Variants in RAPGEF6 observed in about 807,000 individuals in gnomAD.
RAPGEF6 encodes the protein Rap guanine nucleotide exchange factor 6.
Under a neutral mutation model 171.4 loss-of-function variants are expected in RAPGEF6, and 56 were observed. The observed-to-expected ratio is 0.33, with a 90% CI of 0.26 to 0.41. The LOEUF is 0.41. Ranked by LOEUF, RAPGEF6 falls within the 10% of genes least tolerant of loss-of-function variation. RAPGEF6 has a pLI of 1.00. For synonymous variants in RAPGEF6, 692 were observed against 650.1 expected (o/e 1.06, Z -0.98); for missense variants, 1,674 against 1,921.4 (o/e 0.87, Z 2.41).
Position 131,431,193 on chromosome 5 carries a change from T to G in RAPGEF6, c.4131A>C (p.Gln1377His). The change falls in exon 26 of 28, where the codon CAA (glutamine) becomes CAC (histidine). Residue 1377 changes from glutamine to histidine, a missense_variant. This residue lies in a region of RAPGEF6 where 552 missense variants were observed against 574.2 expected (regional missense o/e 0.96). Transcript: ENST00000509018. ...CCCAGCTTTTTGGGTTTGGAAGGCT[T>G]TGGAAGTTGTCATGGGAGCTGCTTG... ...SCSSSSHDNF[Q>H]SLPNPKSWDF... 6.2e-7 allele frequency: 1 copy of G among 1,614,208 alleles called. No homozygotes were observed. Among genetic ancestry groups the G allele is most frequent in the Non-Finnish European group, 8.5e-7 (1 of 1,180,040 alleles).
chr5:131,447,018 G>T, intron 21 of RAPGEF6: 1 of 248,518 alleles, frequency 4.0e-6, no homozygotes, highest in East Asian at 1.0e-4. Flanking sequence ...CTCTGGTCCT[G>T]GAGGCCACCC....
chr5:131,545,726 T>A (rs1760479729), intron 6 of RAPGEF6, among the ~76,000 whole-genome samples: 1 of 152,224 alleles, frequency 6.6e-6, no homozygotes, highest in African/African-American at 2.4e-5. Flanking sequence ...ATATCCTTTT[T>A]AGGAAAAAAT....
intron 24 of RAPGEF6, among the ~76,000 whole-genome samples, chr5:131,438,163 G>C (rs760481770): frequency 2.0e-4 from 31 of 152,020 alleles, no homozygotes; most frequent in Non-Finnish European, 2.9e-4. Flanking sequence ...TAATTTTTTT[G>C]TATTTTTAAT....
intron 5 of RAPGEF6, among the ~76,000 whole-genome samples, chr5:131,549,456 A>T (rs953527560): frequency 6.6e-6 from 1 of 152,196 alleles, no homozygotes; most frequent in African/African-American, 2.4e-5. Context: ...TATGTCATGT[A>T]TTTTTCTGTA....
intron 11 of RAPGEF6, among the ~76,000 whole-genome samples, chr5:131,500,782 A>C (rs994287827): frequency 2.0e-5 from 3 of 152,094 alleles, no homozygotes; most frequent in Non-Finnish European, 2.9e-5. Flanking sequence ...TCTTTCTCAA[A>C]AGACTGTGAG....
intron 6 of RAPGEF6, among the ~76,000 whole-genome samples, chr5:131,541,587 C>T (rs1368431298): frequency 6.6e-6 from 1 of 151,480 alleles, no homozygotes; most frequent in Admixed American, 6.6e-5. Flanking sequence ...AAACTCCTGG[C>T]TTCAGGTGAT....
chr5:131,508,037 A>G (rs1174605281), intron 9 of RAPGEF6, 34 bp downstream of exon 9: 1 of 1,498,000 alleles, frequency 6.7e-7, no homozygotes, highest in Admixed American at 2.0e-5. Context: ...GTTAGTATCC[A>G]TAATAAATGT....
chr5:131,597,918 C>G (rs1038971763), intron 3 of RAPGEF6, among the ~76,000 whole-genome samples: 1 of 152,104 alleles, frequency 6.6e-6, no homozygotes, highest in Non-Finnish European at 1.5e-5. Context: ...ATGCTAACTA[C>G]CCTAATTTGT....
intron 3 of RAPGEF6, among the ~76,000 whole-genome samples, chr5:131,594,638 C>T (rs564872941): frequency 3.9e-5 from 6 of 152,332 alleles, no homozygotes; most frequent in East Asian, 1.9e-4. Flanking sequence ...AGGCACTCAA[C>T]GCCAGCCCAT....
rs993540809 is a variant in RAPGEF6, at chr5:131,471,122, G to A, written c.2239+1465C>T. Among the ~76,000 whole-genome samples, 19 of 152,162 alleles carry A rather than the reference G, an allele frequency of 1.2e-4. 1 individual carries two copies. The highest frequency in any genetic ancestry group is 1.2e-3 in the South Asian group (6 of 4,820). On this transcript the variant is annotated intron_variant, in intron 17 of 27. Transcript: ENST00000509018. ...TGGTAACAATCTTCACATTAACTTCGGATCAAATAACTGGAGTGTCTTCTG... is the reference window on the plus strand; with the variant it reads ...TGGTAACAATCTTCACATTAACTTCAGATCAAATAACTGGAGTGTCTTCTG...
At chr5:131,538,183 G>A (rs1199702872) in intron 6 of RAPGEF6, among the ~76,000 whole-genome samples, 2 of 152,246 alleles carry the variant, frequency 1.3e-5, no homozygotes, top group East Asian at 3.9e-4. Flanking sequence ...CATTTACACT[G>A]TATTAGGTAT....
At position 131,508,187 on chromosome 5, in the gene RAPGEF6, G is replaced by T. The variant is rs1757488240; in HGVS notation, c.826C>A (p.His276Asn). ...ATGTTTGCAAATGCAGGGAGCTGGT[G>T]CATAAACTCCAGCAATTGTTCTATA... ...DDIEQLLEFM[H>N]QLPAFANMTM... The change falls in exon 9 of 28, where the codon CAC becomes AAC. Residue 276 changes from histidine to asparagine, a missense_variant. His to Asn is a moderately conservative substitution (Grantham distance 68). Transcript: ENST00000509018. The T allele has an allele frequency of 6.2e-7, 1 of 1,611,444 alleles. No homozygotes were observed. Among genetic ancestry groups the T allele is most frequent in the Non-Finnish European group, 8.5e-7 (1 of 1,178,874 alleles).
At chr5:131,498,171 A>C (rs1473694810) in intron 12 of RAPGEF6, among the ~76,000 whole-genome samples, 2 of 152,222 alleles carry the variant, frequency 1.3e-5, no homozygotes, top group Non-Finnish European at 2.9e-5. Context: ...TAAAATTCTA[A>C]AATACTCTCA....
chr5:131,427,121 T>C lies in RAPGEF6; in HGVS notation c.*145A>G. On this transcript the variant is annotated 3_prime_UTR_variant, in exon 28 of 28. Transcript: ENST00000509018. ...TGAAAGGAAGCATAACTCAGGTCTA[T>C]TTCATTGCTCGGAGTAGAGGGAATA... 1 of 773,564 alleles carries C rather than the reference T, an allele frequency of 1.3e-6. No homozygotes were observed. The highest frequency in any genetic ancestry group is 1.8e-5 in the African/African-American group (1 of 56,606). The allele number at this position is 773,564 out of a possible 1,614,324, so 47.9% of individuals were successfully genotyped here.
At position 131,604,717 on chromosome 5, in the gene RAPGEF6, AG is replaced by A. The variant is rs767532756; in HGVS notation, c.70-25del. 8.2e-6 allele frequency: 13 copies of A among 1,584,192 alleles called. No individual in the cohort carries two copies. The South Asian group carries it at 1.5e-4, about 18-fold the overall frequency. Reference sequence around the variant, plus strand: ...TCCTGTGGAACAGAAGAAAAAAATTAGATTATTTTTCAAATATGCTGTTTAA... The same window carrying A: ...TCCTGTGGAACAGAAGAAAAAAATTAATTATTTTTCAAATATGCTGTTTAA... On this transcript the variant is annotated intron_variant, in intron 1 of 27. Coordinates refer to ENST00000509018, the MANE Select transcript of RAPGEF6 (RefSeq NM_016340.6).
intron 4 of RAPGEF6, among the ~76,000 whole-genome samples, chr5:131,573,515 T>G (rs1245141170): frequency 6.6e-6 from 1 of 151,986 alleles, no homozygotes; most frequent in East Asian, 1.9e-4. Context: ...CTCTACCCTC[T>G]CCTCAGATGA....
At chr5:131,459,249 G>A (rs1313355996) in intron 19 of RAPGEF6, among the ~76,000 whole-genome samples, 1 of 152,140 alleles carries the variant, frequency 6.6e-6, no homozygotes, top group East Asian at 1.9e-4. Context: ...GGGTGAAGAA[G>A]TCATTTGGAA....
At chr5:131,504,937 G>A (rs189358615) in intron 10 of RAPGEF6, among the ~76,000 whole-genome samples, 159 bp from the exon 11 acceptor site, 9 of 152,198 alleles carry the variant, frequency 5.9e-5, no homozygotes, top group Admixed American at 2.6e-4. Flanking sequence ...AACAATTCAC[G>A]TATGAAGAGA....
At chr5:131,554,039 A>C (rs1379588377) in intron 5 of RAPGEF6, among the ~76,000 whole-genome samples, 4 of 152,154 alleles carry the variant, frequency 2.6e-5, no homozygotes, top group African/African-American at 9.6e-5. Flanking sequence ...ATACCAAATT[A>C]CAGAGAAAAT....
Sources: gnomAD v4.1 joint callset for allele counts (sites outside exome capture counted in the v4.1 genomes callset) on GRCh38, gnomAD v4.1.1 for gene constraint, gnomAD v4.1.1 regional missense constraint, MANE v1.5 for transcripts, NCBI Gene and HGNC (gene_info 2026-07-23, HGNC 2026-07-21) for gene names.